Variants in MDGA2 observed in about 807,000 individuals in gnomAD.
MDGA2 encodes the protein MAM domain-containing glycosylphosphatidylinositol anchor protein 2.
MDGA2 carries 40 observed loss-of-function variants against 117.8 expected under a neutral mutation model. That is an observed-to-expected ratio of 0.34 (90% CI 0.26 to 0.44). The LOEUF (loss-of-function observed/expected upper bound fraction) is 0.44. Ranked by LOEUF, MDGA2 falls within the 20% of genes least tolerant of loss-of-function variation. The pLI is 1.00. For synonymous variants in MDGA2, 452 were observed against 439.0 expected, an observed-to-expected ratio of 1.03 and a Z score of -0.37; for missense variants, 1,123 against 1,250.6, an observed-to-expected ratio of 0.90 and a Z score of 1.54.
intron 8 of MDGA2, among the ~76,000 whole-genome samples, chr14:46,959,908 A>G (rs1885723994): frequency 6.6e-6 from 1 of 152,004 alleles, no homozygotes; most frequent in Non-Finnish European, 1.5e-5. Flanking sequence ...ATGAATTTCA[A>G]TCCTCTTTTT....
intron 1 of MDGA2, among the ~76,000 whole-genome samples, chr14:47,509,487 C>T (rs1013570257): frequency 3.3e-5 from 5 of 152,246 alleles, no homozygotes; most frequent in African/African-American, 1.2e-4. Flanking sequence ...GGGGGCATGG[C>T]TGCCTCCACC....
At chr14:47,421,094 C>A (rs1484040792) in intron 1 of MDGA2, among the ~76,000 whole-genome samples, 1 of 152,062 alleles carries the variant, frequency 6.6e-6, no homozygotes, top group Non-Finnish European at 1.5e-5. Context: ...CAAAATGTTA[C>A]ATTTTACCTG....
chr14:46,969,277 G>T (rs996679855), intron 8 of MDGA2, among the ~76,000 whole-genome samples: 12 of 152,180 alleles, frequency 7.9e-5, no homozygotes, highest in African/African-American at 2.7e-4. Flanking sequence ...TAATGGGATG[G>T]CTGGGTCAAA....
intron 3 of MDGA2, among the ~76,000 whole-genome samples, chr14:47,198,028 A>G (rs1406068298): frequency 1.3e-5 from 2 of 151,850 alleles, no homozygotes; most frequent in Non-Finnish European, 2.9e-5. Flanking sequence ...GCACTTTTGC[A>G]GCAATCCTGT....
At chr14:47,362,619 A>T (rs1405043718) in intron 1 of MDGA2, among the ~76,000 whole-genome samples, 54 of 152,206 alleles carry the variant, frequency 3.5e-4, no homozygotes, top group African/African-American at 1.2e-3. Flanking sequence ...TAAGATTATA[A>T]AGTTATTAGG....
At chr14:47,156,070 G>A (rs1331456966) in intron 3 of MDGA2, among the ~76,000 whole-genome samples, 2 of 151,384 alleles carry the variant, frequency 1.3e-5, no homozygotes, top group Non-Finnish European at 2.9e-5. Context: ...CACTACCCCG[G>A]CTAATTTTTG....
chr14:47,249,302 T>A (rs184576417), intron 2 of MDGA2, among the ~76,000 whole-genome samples: 159 of 151,838 alleles, frequency 1.0e-3, no homozygotes, highest in African/African-American at 3.6e-3. Context: ...CAGGCATGAG[T>A]CACCACGCCC....
chr14:46,900,673 G>A (rs1305467501), intron 10 of MDGA2, among the ~76,000 whole-genome samples: 1 of 152,134 alleles, frequency 6.6e-6, no homozygotes, highest in Admixed American at 6.6e-5. Context: ...ATAGGGATGA[G>A]GAGGAAATTA....
At chr14:47,509,307 G>A (rs1441896683) in intron 1 of MDGA2, among the ~76,000 whole-genome samples, 1 of 152,168 alleles carries the variant, frequency 6.6e-6, no homozygotes, top group Non-Finnish European at 1.5e-5. Flanking sequence ...TGTTTATTCT[G>A]GAACTAAGGA....
intron 2 of MDGA2, among the ~76,000 whole-genome samples, chr14:47,288,565 C>A (rs977957195): frequency 5.3e-5 from 8 of 151,894 alleles, no homozygotes; most frequent in African/African-American, 1.7e-4. Context: ...CTGCCAAAGG[C>A]GAGTAAGTAA....
At chr14:47,447,942 C>T (rs1233071684) in intron 1 of MDGA2, among the ~76,000 whole-genome samples, 3 of 152,048 alleles carry the variant, frequency 2.0e-5, no homozygotes, top group Non-Finnish European at 4.4e-5. Context: ...TGACAGAAGG[C>T]TCCTAAAACG....
At chr14:47,110,583 G>C (rs1196081219) in intron 5 of MDGA2, among the ~76,000 whole-genome samples, 1 of 152,048 alleles carries the variant, frequency 6.6e-6, no homozygotes, top group Non-Finnish European at 1.5e-5. Flanking sequence ...GTAATATTTT[G>C]AACACCTTTA....
At position 47,053,031 on chromosome 14, in the gene MDGA2, G is replaced by A. The variant is rs549477464; in HGVS notation, c.1525+8218C>T. ...TTATGCATCAATATTATGGTTTCTG[G>A]GACAAATACAATCATTCACATTTAT... is the stretch of plus-strand genomic sequence containing the variant. On this transcript the variant is annotated intron_variant, in intron 7 of 16. Transcript: ENST00000399232. Among the ~76,000 whole-genome samples the A allele has an allele frequency of 4.3e-4, 66 of 151,890 alleles. 1 individual carries two copies. The South Asian group carries it at 0.013, about 30-fold the overall frequency.
chr14:46,842,787 A>G (rs1018823588), intron 16 of MDGA2, among the ~76,000 whole-genome samples: 1 of 152,290 alleles, frequency 6.6e-6, no homozygotes, highest in African/African-American at 2.4e-5. Flanking sequence ...GAGACATACA[A>G]TCTTATATCT....
intron 10 of MDGA2, among the ~76,000 whole-genome samples, chr14:46,889,934 A>C (rs528120377): frequency 6.6e-6 from 1 of 152,148 alleles, no homozygotes; most frequent in African/African-American, 2.4e-5. Context: ...TTATCAGGGA[A>C]TATAGGCACC....
rs567535614 is a variant in MDGA2, at chr14:47,263,333, C to T, written c.420+38078G>A. 2.6e-5 allele frequency among the ~76,000 whole-genome samples: 4 copies of T among 152,122 alleles called. No homozygotes were observed. The South Asian group carries it at 8.3e-4, about 32-fold the overall frequency. ...CCACCACTGCCACCCATCCTCCATC[C>T]CCAAAAGCCTTATGATCTCATCACC... On this transcript the variant is annotated intron_variant, in intron 2 of 16. Transcript: ENST00000399232.
At chr14:47,288,558 C>T (rs1421569323) in intron 2 of MDGA2, among the ~76,000 whole-genome samples, 2 of 152,054 alleles carry the variant, frequency 1.3e-5, no homozygotes, top group East Asian at 3.9e-4. Flanking sequence ...ATGATTTCTG[C>T]CAAAGGCGAG....
chr14:47,632,354 T>G (rs1422767092), intron 1 of MDGA2, among the ~76,000 whole-genome samples: 1 of 152,212 alleles, frequency 6.6e-6, no homozygotes, highest in African/African-American at 2.4e-5. Context: ...TAAGTCTTTT[T>G]AATCCTTAAA....
At chr14:47,000,764 T>C (rs1418952190) in intron 8 of MDGA2, among the ~76,000 whole-genome samples, 6 of 151,972 alleles carry the variant, frequency 3.9e-5, no homozygotes, top group East Asian at 3.9e-4. Context: ...TGTTTTAGCA[T>C]GCAAAGGAAG....
Sources: allele counts gnomAD v4.1 joint callset (sites outside exome capture counted in the v4.1 genomes callset), GRCh38; gene constraint gnomAD v4.1.1; transcripts MANE v1.5; gene names NCBI Gene and HGNC (gene_info 2026-07-23, HGNC 2026-07-21).